Variants in FAM186A observed in about 807,000 individuals in gnomAD.
FAM186A encodes the protein protein FAM186A.
FAM186A carries 163 observed loss-of-function variants against 216.8 expected under a neutral mutation model. The ratio of observed to expected loss-of-function variants is 0.75; its 90% CI spans 0.66 to 0.86. The LOEUF is 0.86. Ranked by LOEUF, FAM186A falls within the 40% of genes least tolerant of loss-of-function variation. The pLI, the probability that FAM186A is intolerant of heterozygous loss-of-function variation, is 0.00. For synonymous variants in FAM186A, 805 were observed against 1,025.3 expected (o/e 0.79, Z 4.10); for missense variants, 2,184 against 2,746.2 (o/e 0.80, Z 4.58).
intron 1 of FAM186A, among the ~76,000 whole-genome samples, chr12:50,387,969 A>G (rs1029904243): frequency 3.3e-5 from 5 of 152,074 alleles, no homozygotes; most frequent in African/African-American, 9.7e-5. Flanking sequence ...TCACTTTCAT[A>G]TTCTCTCTGG....
At chr12:50,368,147 AAAT>A (rs1311174281) in intron 1 of FAM186A, among the ~76,000 whole-genome samples, 4 of 152,006 alleles carry the variant, frequency 2.6e-5, no homozygotes, top group South Asian at 4.1e-4. Context: ...TCTGTCTCAA[AAAT>A]AATAATATTG....
intron 4 of FAM186A, among the ~76,000 whole-genome samples, chr12:50,339,741 TACACACACACACACACAC>T (rs10611207): frequency 5.4e-5 from 8 of 148,408 alleles, no homozygotes; most frequent in South Asian, 2.2e-4. Context: ...CAAAGTACTT[TACACACACACACACACAC>T]ACACACACAC....
At chr12:50,381,368 C>T (rs1377160255) in intron 1 of FAM186A, among the ~76,000 whole-genome samples, 1 of 152,060 alleles carries the variant, frequency 6.6e-6, no homozygotes, top group African/African-American at 2.4e-5. Context: ...TGAAGAGGTG[C>T]TTTATTGAGT....
At chr12:50,348,038 A>ATTT (rs71083540) in intron 4 of FAM186A, among the ~76,000 whole-genome samples, 3,115 of 81,238 alleles carry the variant, frequency 0.038, 101 homozygotes, top group Non-Finnish European at 0.042. Flanking sequence ...ATGCCTGGTA[A>ATTT]TTTTTTTTTT....
intron 4 of FAM186A, among the ~76,000 whole-genome samples, chr12:50,343,812 G>A (rs1186022440): frequency 1.3e-5 from 2 of 152,034 alleles, no homozygotes; most frequent in Admixed American, 1.3e-4. Flanking sequence ...TAGAGACGGG[G>A]TTTCACTGTG....
rs2136094460 is a variant in FAM186A at position 50,355,868 on chromosome 12, C to T, written c.964G>A (p.Asp322Asn). ...ENEMLQQKLQ[D>N]AEEKCEQLIR... ...AGTTGTTCACATTTTTCTTCTGCAT[C>T]TTGAAGTTTCTGCTGAAGCATTTCA... Residue 322 changes from aspartate to asparagine, a missense_variant, in exon 4 of 8, where the codon GAT (aspartate) becomes AAT (asparagine). By Grantham distance (23) the Asp-to-Asn change is conservative. Transcript: ENST00000327337. 1 of 1,551,052 alleles carries T rather than the reference C, an allele frequency of 6.4e-7. No individual in the cohort carries two copies. The highest frequency in any genetic ancestry group is 2.4e-5 in the East Asian group (1 of 40,916).
chr12:50,335,710 T>G (rs1467421434), intron 4 of FAM186A, among the ~76,000 whole-genome samples: 2 of 151,664 alleles, frequency 1.3e-5, no homozygotes, highest in Non-Finnish European at 2.9e-5. Context: ...TGTCCTTGCC[T>G]TCAAAAGCAC....
chr12:50,364,148 A>G (rs1215667800), intron 1 of FAM186A, among the ~76,000 whole-genome samples: 1 of 152,228 alleles, frequency 6.6e-6, no homozygotes, highest in Admixed American at 6.5e-5. Context: ...AGTATCACAC[A>G]GTGAAGAACT....
intron 1 of FAM186A, among the ~76,000 whole-genome samples, chr12:50,373,994 C>G (rs2136102409): frequency 6.6e-6 from 1 of 151,982 alleles, no homozygotes; most frequent in East Asian, 1.9e-4. Flanking sequence ...AGTTCATGTC[C>G]TTTATAAGGA....
chr12:50,353,728 G>A lies in FAM186A; in HGVS notation c.3104C>T (p.Thr1035Ile), dbSNP rs1318106792. 1.9e-6 allele frequency: 3 copies of A among 1,548,358 alleles called. No individual in the cohort carries two copies. Among genetic ancestry groups the A allele is most frequent in the East Asian group, 4.9e-5 (2 of 40,930 alleles). Residue 1035 changes from threonine to isoleucine, a missense_variant, in exon 4 of 8, where the codon ACA (threonine) becomes ATA (isoleucine). By Grantham distance (89) the Thr-to-Ile change is moderately conservative. Coordinates refer to ENST00000327337, the MANE Select transcript of FAM186A (RefSeq NM_001145475.3). ...CTTTTCATCAGGAAGGTTCTCTAAT[G>A]TCTTCAGATTCCTCTGAAACTCTTT... ...EGKEFQRNLKTLENLPDEKEP... is the reference protein window; with the variant it reads ...EGKEFQRNLKILENLPDEKEP...
intron 2 of FAM186A, among the ~76,000 whole-genome samples, chr12:50,362,788 G>T (rs571045529): frequency 6.7e-6 from 1 of 148,958 alleles, no homozygotes; most frequent in South Asian, 2.1e-4. Context: ...AAGGAAAAGT[G>T]CCAGGTGGTA....
intron 4 of FAM186A, among the ~76,000 whole-genome samples, chr12:50,349,840 T>C (rs756228198): frequency 4.0e-5 from 6 of 151,830 alleles, no homozygotes; most frequent in Non-Finnish European, 7.4e-5. Context: ...TTTGCAGAGA[T>C]GGGATTTCGC....
chr12:50,328,510 A>G (rs573425982), intron 7 of FAM186A, among the ~76,000 whole-genome samples: 2 of 148,062 alleles, frequency 1.4e-5, no homozygotes, highest in East Asian at 3.9e-4. Context: ...TTTATTTTTT[A>G]TTTTATTTTA....
chr12:50,385,833 T>C (rs1592635054), intron 1 of FAM186A, among the ~76,000 whole-genome samples: 2 of 149,796 alleles, frequency 1.3e-5, no homozygotes, highest in Non-Finnish European at 3.0e-5. Flanking sequence ...ACCCAGGAGG[T>C]GGAGCTTGCA....
In FAM186A at chr12:50,351,904, T is replaced by C. The variant is rs931175409; in HGVS notation, c.4928A>G (p.Gln1643Arg). 1.3e-6 allele frequency: 2 copies of C among 1,536,048 alleles called. No individual in the cohort carries two copies. Among genetic ancestry groups the C allele is most frequent in the Admixed American group, 2.0e-5 (1 of 49,772 alleles). The change falls in exon 4 of 8, where the codon CAG (glutamine) becomes CGG (arginine). Residue 1643 changes from glutamine (Q) to arginine (R), a missense_variant. This residue lies in a region of FAM186A where 26 missense variants were observed against 44.5 expected (regional missense o/e 0.58). Transcript: ENST00000327337. ...QAQGITLTPQ[Q>R]AQALGVPITP... The stretch of plus-strand genomic sequence containing the variant: ...GATGGGGACTCCCAGTGCCTGGGCC[T>C]GCTGAGGGGTGAGAGTGATCCCCTG...
chr12:50,375,537 G>A lies in FAM186A; in HGVS notation c.193-12173C>T, dbSNP rs183362469. 4.1e-3 allele frequency among the ~76,000 whole-genome samples: 603 copies of A among 146,248 alleles called. 5 individuals are homozygous for A. The highest frequency in any genetic ancestry group is 0.014 in the African/African-American group (563 of 39,614). On this transcript the variant is annotated intron_variant, in intron 1 of 7. Transcript: ENST00000327337. Reference sequence around the variant, plus strand: ...GCACTCCAACCTGGGCAACAAGAGCGAAGCTCTGTCTCAAAAAAAAAAAAA... The same window carrying A: ...GCACTCCAACCTGGGCAACAAGAGCAAAGCTCTGTCTCAAAAAAAAAAAAA...
chr12:50,377,427 TA>T (rs1779663135), intron 1 of FAM186A, among the ~76,000 whole-genome samples: 1 of 152,216 alleles, frequency 6.6e-6, no homozygotes, highest in African/African-American at 2.4e-5. Flanking sequence ...ATCTATGAGC[TA>T]AATATAAAAT....
At chr12:50,389,311 A>G (rs947306632) in intron 1 of FAM186A, among the ~76,000 whole-genome samples, 1 of 151,906 alleles carries the variant, frequency 6.6e-6, no homozygotes, top group African/African-American at 2.4e-5. Flanking sequence ...GACCAGCCTG[A>G]CCAACATGGA....
chr12:50,385,290 C>T (rs1042604154), intron 1 of FAM186A, among the ~76,000 whole-genome samples: 20 of 150,636 alleles, frequency 1.3e-4, no homozygotes, highest in African/African-American at 4.8e-4. Flanking sequence ...TGGTTGTACG[C>T]ACCTGTAGTC....
Sources: gnomAD v4.1 joint callset for allele counts (sites outside exome capture counted in the v4.1 genomes callset) on GRCh38, gnomAD v4.1.1 for gene constraint, gnomAD v4.1.1 regional missense constraint, MANE v1.5 for transcripts, NCBI Gene and HGNC (gene_info 2026-07-23, HGNC 2026-07-21) for gene names.